SMIM35: variants seen among roughly 807,000 people sequenced by gnomAD.
The protein encoded by SMIM35 is TMPRSS4 antisense RNA 1 (non-protein coding).
At chr11:118,045,330 G>GCACACACA (rs34102097) in intron 1 of SMIM35, among the ~76,000 whole-genome samples, 6,712 of 146,000 alleles carry the variant, frequency 0.046, 218 homozygotes, top group African/African-American at 0.084. Flanking sequence ...ATACACACAT[G>GCACACACA]CACACACACA....
intron 1 of SMIM35, among the ~76,000 whole-genome samples, chr11:118,030,606 A>G (rs1221332414): frequency 6.6e-6 from 1 of 152,168 alleles, no homozygotes; most frequent in African/African-American, 2.4e-5. Flanking sequence ...AGCGGGGTCC[A>G]TGGAGAAGGG....
rs1047672232 is a variant in SMIM35, at chr11:118,015,687, A to C, written c.124+6T>G. On this transcript the variant is annotated splice_donor_region_variant and intron_variant, in intron 2 of 4. Transcript: ENST00000689828. Reference sequence around the variant, plus strand: ...ACCGGGGCTACAGGGCCCAGTGCACACTCACCCTCCCAGCAGTACCCGCGC... The same window carrying C: ...ACCGGGGCTACAGGGCCCAGTGCACCCTCACCCTCCCAGCAGTACCCGCGC... 366 of 398,864 alleles carry C rather than the reference A, an allele frequency of 9.2e-4. 2 individuals are homozygous for C. Among genetic ancestry groups the C allele is most frequent in the Non-Finnish European group, 1.0e-4 (23 of 226,156 alleles). The allele number at this position is 398,864 out of a possible 1,614,324, so 24.7% of individuals were successfully genotyped here.
At chr11:118,037,592 C>T (rs1042271086) in intron 1 of SMIM35, among the ~76,000 whole-genome samples, 27 of 152,162 alleles carry the variant, frequency 1.8e-4, no homozygotes, top group African/African-American at 6.5e-4. Flanking sequence ...TAAACAAGTT[C>T]CCCCTCTTTC....
chr11:118,035,730 T>G (rs78239840), intron 1 of SMIM35, among the ~76,000 whole-genome samples: 2,476 of 152,258 alleles, frequency 0.016, 112 homozygotes, highest in East Asian at 0.11. Flanking sequence ...AGCCCAGAAA[T>G]GACTGAAACA....
At chr11:118,076,340 G>C (rs57723675) in intron 1 of SMIM35, among the ~76,000 whole-genome samples, 2,991 of 152,160 alleles carry the variant, frequency 0.02, 42 homozygotes, top group African/African-American at 0.047. Flanking sequence ...CCAGCTACTC[G>C]AGAGGCTGGA....
chr11:118,068,433 G>A (rs549142305), intron 1 of SMIM35, among the ~76,000 whole-genome samples: 4 of 152,176 alleles, frequency 2.6e-5, no homozygotes, highest in Non-Finnish European at 4.4e-5. Context: ...AAAGAGCTGC[G>A]GACAGCGCCT....
intron 1 of SMIM35, among the ~76,000 whole-genome samples, chr11:118,055,238 C>CA (rs1295794806): frequency 2.0e-5 from 3 of 152,174 alleles, no homozygotes; most frequent in African/African-American, 7.2e-5. Flanking sequence ...TTGTGGCTGC[C>CA]AAGGCCAGTT....
chr11:118,006,961 G>C (rs1394304960), intron 4 of SMIM35, among the ~76,000 whole-genome samples: 1 of 152,206 alleles, frequency 6.6e-6, no homozygotes, highest in Non-Finnish European at 1.5e-5. Context: ...AACATTCATT[G>C]AGCCTCTGTC....
At chr11:118,007,146 C>T (rs2058126138) in intron 4 of SMIM35, among the ~76,000 whole-genome samples, 1 of 151,924 alleles carries the variant, frequency 6.6e-6, no homozygotes, top group Non-Finnish European at 1.5e-5. Flanking sequence ...GATTAGAGTC[C>T]ATCTGGAGGG....
intron 1 of SMIM35, among the ~76,000 whole-genome samples, chr11:118,024,501 C>T (rs753763454): frequency 6.6e-6 from 1 of 152,084 alleles, no homozygotes; most frequent in Non-Finnish European, 1.5e-5. Context: ...TTGGCAGAGT[C>T]TCGCTCTGTT....
At chr11:118,070,866 C>G (rs761833952) in intron 1 of SMIM35, among the ~76,000 whole-genome samples, 2 of 152,068 alleles carry the variant, frequency 1.3e-5, no homozygotes, top group Non-Finnish European at 2.9e-5. Flanking sequence ...AGTGTAGGCC[C>G]CCTCCAGGAT....
intron 1 of SMIM35, among the ~76,000 whole-genome samples, chr11:118,036,307 T>C (rs1457322752): frequency 6.6e-6 from 1 of 152,228 alleles, no homozygotes; most frequent in African/African-American, 2.4e-5. Context: ...AATTACCATT[T>C]TTCTAATTGC....
At chr11:118,071,536 A>G (rs546264640) in intron 1 of SMIM35, among the ~76,000 whole-genome samples, 32 of 152,314 alleles carry the variant, frequency 2.1e-4, no homozygotes, top group Admixed American at 2.0e-3. Flanking sequence ...GCTGCTTGGT[A>G]TGAGTGAGCC....
chr11:118,035,335 A>G (rs1482449924), intron 1 of SMIM35, among the ~76,000 whole-genome samples: 7 of 152,012 alleles, frequency 4.6e-5, no homozygotes, highest in Non-Finnish European at 8.8e-5. Context: ...CCCAAAGAGC[A>G]TTAATTTCCA....
chr11:118,021,121 T>C (rs2058227408), intron 1 of SMIM35, among the ~76,000 whole-genome samples: 1 of 151,742 alleles, frequency 6.6e-6, no homozygotes, highest in Admixed American at 6.6e-5. Flanking sequence ...GAGTAACAGT[T>C]AATTTAATTT....
At chr11:118,034,007 C>G (rs1461043878) in intron 1 of SMIM35, among the ~76,000 whole-genome samples, 1 of 152,204 alleles carries the variant, frequency 6.6e-6, no homozygotes, top group Non-Finnish European at 1.5e-5. Flanking sequence ...GTGTCTCACT[C>G]CTGTAATCCC....
intron 1 of SMIM35, among the ~76,000 whole-genome samples, chr11:118,081,672 C>T (rs671160): frequency 0.076 from 11,508 of 152,300 alleles, 539 homozygotes; most frequent in Middle Eastern, 0.11. Flanking sequence ...TCTGGCTGGG[C>T]GTCGCCCGCT....
chr11:118,029,391 ATATAG>A (rs1565384629), intron 1 of SMIM35, among the ~76,000 whole-genome samples: 2 of 152,274 alleles, frequency 1.3e-5, no homozygotes, highest in East Asian at 3.9e-4. Context: ...CAAGACCAAG[ATATAG>A]TTTAGTTAAA....
chr11:118,052,643 G>A (rs7937145), intron 1 of SMIM35, among the ~76,000 whole-genome samples: 42,642 of 151,500 alleles, frequency 0.28, 5,972 homozygotes, highest in South Asian at 0.31. Flanking sequence ...CTTCCCTAAC[G>A]TGATCGCCTA....
Sources: allele counts gnomAD v4.1 joint callset (sites outside exome capture counted in the v4.1 genomes callset), GRCh38; gene constraint gnomAD v4.1.1; transcripts MANE v1.5; gene names NCBI Gene and HGNC (gene_info 2026-07-23, HGNC 2026-07-21).